The following ATXN2 variants were observed in gnomAD, a reference collection of about 807,000 sequenced individuals.
The protein encoded by ATXN2 is ataxin 2, also known as ataxin-2.
In ATXN2, 37 loss-of-function variants were observed where a neutral mutation model predicts 138.6. That is an observed-to-expected ratio of 0.27 (90% confidence interval 0.21 to 0.35). ATXN2 has a LOEUF of 0.35. Among genes scored for constraint, ATXN2 ranks in the 10% least tolerant of loss-of-function variants. The probability of loss-of-function intolerance (pLI) is 1.00; values close to 1 mark genes in which losing one functional copy is unlikely to be tolerated. For missense variants in ATXN2, 1,216 were observed against 1,480.3 expected (o/e 0.82, Z 2.93); for synonymous variants, 549 against 543.7 (o/e 1.01, Z -0.13).
In ATXN2 at chr12:111,548,295, T is replaced by C. The variant is rs865979907; in HGVS notation, c.571+3985A>G. 4.6e-5 allele frequency among the ~76,000 whole-genome samples: 7 copies of C among 152,186 alleles called. No homozygotes were observed. The South Asian group carries it at 1.2e-3, about 27-fold the overall frequency. ...GCAGTATAATGTTAAGAACATGAGT[T>C]AGAGTAGAAAAGCTAGATTTGTGTC... On this transcript the variant is annotated intron_variant, in intron 5 of 24. Coordinates refer to ENST00000673436, the MANE Select transcript of ATXN2 (RefSeq NM_001372574.1).
chr12:111,504,194 T>C (rs529402368), intron 14 of ATXN2, among the ~76,000 whole-genome samples: 68 of 152,178 alleles, frequency 4.5e-4, no homozygotes, highest in Non-Finnish European at 6.2e-4. Context: ...GGATAAGACA[T>C]AGAGATTCAG....
intron 1 of ATXN2, among the ~76,000 whole-genome samples, chr12:111,589,421 T>C (rs1884532518): frequency 6.6e-6 from 1 of 152,088 alleles, no homozygotes; most frequent in Non-Finnish European, 1.5e-5. Flanking sequence ...TTGTTTGAGG[T>C]CAGGAATTCA....
rs777032616 is a variant in ATXN2 at position 111,452,692 on chromosome 12, G to T, written c.*120C>A. On this transcript the variant is annotated 3_prime_UTR_variant, in exon 25 of 25. Coordinates refer to ENST00000673436, the MANE Select transcript of ATXN2 (RefSeq NM_001372574.1). ...TTAGCATTCCTATTGGATGTTACAA[G>T]AAATCAACATATATATTTTAAAAAC... is the stretch of plus-strand genomic sequence containing the variant. 4 of 1,172,168 alleles carry T rather than the reference G, an allele frequency of 3.4e-6. No individual in the cohort carries two copies. Among genetic ancestry groups the T allele is most frequent in the Non-Finnish European group, 3.8e-6 (3 of 788,618 alleles). 72.6% of individuals were successfully genotyped at this position (1,172,168 alleles called of 1,614,324 possible).
At chr12:111,578,313 G>A (rs1169597438) in intron 1 of ATXN2, among the ~76,000 whole-genome samples, 2 of 152,160 alleles carry the variant, frequency 1.3e-5, no homozygotes, top group Non-Finnish European at 2.9e-5. Context: ...ACTGATAAAT[G>A]ACTCATCCCA....
At position 111,452,653 on chromosome 12, in the gene ATXN2, C is replaced by T. The variant is rs1330400155; in HGVS notation, c.*159G>A. 8 of 844,540 alleles carry T rather than the reference C, an allele frequency of 9.5e-6. No homozygotes were observed. The African/African-American group carries it at 1.4e-4, about 14-fold the overall frequency. The allele number at this position is 844,540 out of a possible 1,614,324, so 52.3% of individuals were successfully genotyped here. ...CTCTACTCGGTCCAAGTATCTTCCA[C>T]TGCAAGTGAACTGTTAGCATTCCTA... On this transcript the variant is annotated 3_prime_UTR_variant, in exon 25 of 25. Coordinates refer to ENST00000673436, the MANE Select transcript of ATXN2 (RefSeq NM_001372574.1).
chr12:111,485,197 T>C (rs997971671), intron 18 of ATXN2, 68 bp downstream of exon 18: 1 of 1,447,784 alleles, frequency 6.9e-7, no homozygotes, highest in African/African-American at 1.4e-5. Flanking sequence ...ATTTATTCAT[T>C]ATAAACTTAG....
At position 111,506,151 on chromosome 12, in the gene ATXN2, T is replaced by C. The variant is rs966764124; in HGVS notation, c.1935+3398A>G. 2.0e-5 allele frequency among the ~76,000 whole-genome samples: 3 copies of C among 152,130 alleles called. No homozygotes were observed. The East Asian group carries it at 5.8e-4, about 29-fold the overall frequency. ...ATGGAATTTGCCCCAAATAAGCCCA[T>C]CCATAGAGACAGAAAGTAGATTAAC... is the stretch of plus-strand genomic sequence containing the variant. On this transcript the variant is annotated intron_variant, in intron 14 of 24. Transcript: ENST00000673436.
At position 111,488,771 on chromosome 12, in the gene ATXN2, T is replaced by G; in HGVS notation, c.1945A>C (p.Ser649Arg). The G allele has an allele frequency of 1.2e-6, 2 of 1,603,502 alleles. No individual in the cohort carries two copies. The highest frequency in any genetic ancestry group is 8.5e-7 in the Non-Finnish European group (1 of 1,172,592). ...KFKNDFRLQP[S>R]STSESMDQLL... ...TGATCCATAGATTCAGAAGTAGAAC[T>G]TGGCTGTAACTAAATAAAGGAAACA... Residue 649 changes from serine (S) to arginine (R), a missense_variant, in exon 15 of 25, where the codon AGT becomes CGT. Ser to Arg is a moderately radical substitution (Grantham distance 110, BLOSUM62 -1). Around this residue, in one of 4 missense-constraint regions of ATXN2, gnomAD observed 215 missense variants for 210.0 expected, o/e 1.02. Transcript: ENST00000673436.
At chr12:111,510,675 A>G in intron 11 of ATXN2, 93 bp from the exon 12 acceptor site, 1 of 1,191,396 alleles carries the variant, frequency 8.4e-7, no homozygotes, top group South Asian at 1.5e-5. Flanking sequence ...CTAGGTAAAT[A>G]AAACTGTCCT....
intron 18 of ATXN2, chr12:111,482,813 AG>A (rs1331002768): frequency 6.6e-6 from 1 of 151,978 alleles, no homozygotes; most frequent in Admixed American, 6.6e-5. Context: ...TTCTTTCAAC[AG>A]GTTCATATGT....
At chr12:111,519,818 C>T (rs909319961) in intron 8 of ATXN2, 61 bp downstream of exon 8, 19 of 1,608,350 alleles carry the variant, frequency 1.2e-5, no homozygotes, top group African/African-American at 8.0e-5. Context: ...AACAATACAC[C>T]GTCTCACACA....
rs898348329 is a variant in ATXN2 at position 111,452,326 on chromosome 12, G to A, written c.*486C>T. ...TAAAAGTTGAACCACTGTAGACAGT[G>A]ATCACCTCATCAAACTTGATTTATA... On this transcript the variant is annotated 3_prime_UTR_variant, in exon 25 of 25. Coordinates refer to ENST00000673436, the MANE Select transcript of ATXN2 (RefSeq NM_001372574.1). 6.5e-6 allele frequency: 1 copy of A among 152,854 alleles called. No homozygotes were observed. Among genetic ancestry groups the A allele is most frequent in the Non-Finnish European group, 1.5e-5 (1 of 68,440 alleles). The allele number at this position is 152,854 out of a possible 1,614,324, so 9.5% of individuals were successfully genotyped here.
At chr12:111,480,598 C>G (rs750036029) in intron 18 of ATXN2, among the ~76,000 whole-genome samples, 12 of 152,160 alleles carry the variant, frequency 7.9e-5, no homozygotes, top group Non-Finnish European at 1.2e-4. Context: ...TCGCTTGAAT[C>G]TGAGAGGCGG....
chr12:111,539,811 A>G lies in ATXN2; in HGVS notation c.571+12469T>C, dbSNP rs755897131. 1.3e-5 allele frequency among the ~76,000 whole-genome samples: 2 copies of G among 150,300 alleles called. 1 individual carries two copies. Among genetic ancestry groups the G allele is most frequent in the Non-Finnish European group, 3.0e-5 (2 of 67,070 alleles). ...AAAATGATTCTGTAGAAGAACTAAG[A>G]CAAAAAAAGTAAATTCAGAAATGTT... On this transcript the variant is annotated intron_variant, in intron 5 of 24. Transcript: ENST00000673436.
At chr12:111,597,408 C>A (rs1884990843) in intron 1 of ATXN2, among the ~76,000 whole-genome samples, 1 of 152,210 alleles carries the variant, frequency 6.6e-6, no homozygotes, top group Non-Finnish European at 1.5e-5. Context: ...GTCAAGCCGG[C>A]GGCCTAGGCC....
At chr12:111,456,694 T>A (rs919108549) in intron 22 of ATXN2, among the ~76,000 whole-genome samples, 1 of 152,196 alleles carries the variant, frequency 6.6e-6, no homozygotes, top group African/African-American at 2.4e-5. Context: ...TACTGCAAGT[T>A]TCCAGAGCTT....
At chr12:111,454,398 G>C (rs1168129590) in intron 23 of ATXN2, 4 of 153,474 alleles carry the variant, frequency 2.6e-5, no homozygotes, top group Admixed American at 1.3e-4. Flanking sequence ...GCAGTGAAAA[G>C]AGACTCTTAG....
intron 5 of ATXN2, among the ~76,000 whole-genome samples, chr12:111,538,909 A>G (rs1157087471): frequency 6.7e-6 from 1 of 150,290 alleles, no homozygotes; most frequent in Non-Finnish European, 1.5e-5. Flanking sequence ...AAAACTAACA[A>G]GAACAAGAAA....
chr12:111,513,398 G>A lies in ATXN2; in HGVS notation c.1517C>T (p.Thr506Ile), dbSNP rs772663915. The A allele has an allele frequency of 1.2e-6, 2 of 1,613,984 alleles. No homozygotes were observed. The highest frequency in any genetic ancestry group is 2.2e-5 in the South Asian group (2 of 91,062). The change falls in exon 11 of 25, where the codon ACC (threonine) becomes ATC (isoleucine). Residue 506 changes from threonine (T) to isoleucine (I), a missense_variant. Around this residue, in one of 4 missense-constraint regions of ATXN2, gnomAD observed 215 missense variants for 210.0 expected, o/e 1.02. Transcript: ENST00000673436. ...SEAATPPVAR[T>I]SPSGGTWSSV... ...TGACCACGTTCCCCCCGAGGGACTG[G>A]TCCTTGCTACTGGAGGAGTAGCTGC...
Sources: allele counts gnomAD v4.1 joint callset (sites outside exome capture counted in the v4.1 genomes callset), GRCh38; gene constraint gnomAD v4.1.1; regional missense constraint gnomAD v4.1.1; transcripts MANE v1.5; gene names NCBI Gene and HGNC (gene_info 2026-07-23, HGNC 2026-07-21).